The following MAGI1 variants were observed in gnomAD, a reference collection of about 807,000 sequenced individuals.
The protein encoded by MAGI1 is membrane-associated guanylate kinase, WW and PDZ domain-containing protein 1.
A neutral mutation model predicts 139.9 loss-of-function variants in MAGI1; 58 were observed. That is an observed-to-expected ratio of 0.41 (90% CI 0.34 to 0.52). The LOEUF is 0.52. Ranked by LOEUF, MAGI1 falls within the 20% of genes least tolerant of loss-of-function variation. MAGI1 has a pLI of 0.12. For synonymous variants in MAGI1, 812 were observed against 737.9 expected (o/e 1.10, Z -1.63); for missense variants, 1,874 against 1,901.6 (o/e 0.99, Z 0.27).
chr3:65,730,309 C>T (rs2034057454), intron 1 of MAGI1, among the ~76,000 whole-genome samples: 2 of 152,160 alleles, frequency 1.3e-5, no homozygotes, highest in Admixed American at 1.3e-4. Context: ...AAAAAAATGG[C>T]TTCCACCATT....
Position 65,364,833 on chromosome 3 carries a change from G to C in MAGI1, c.3290+20C>G, listed in dbSNP as rs1279223501. 1.2e-6 allele frequency: 2 copies of C among 1,613,432 alleles called. No individual in the cohort carries two copies. The highest frequency in any genetic ancestry group is 1.3e-5 in the African/African-American group (1 of 74,902). On this transcript the variant is annotated intron_variant, in intron 19 of 22. Coordinates refer to ENST00000402939, the MANE Select transcript of MAGI1 (RefSeq NM_001033057.2). Reference sequence around the variant, plus strand: ...AGTTACTTTTTTCCCCTTTAACAAAGGAAACCAGTCATGTCTGACCTTGTC... The same window carrying C: ...AGTTACTTTTTTCCCCTTTAACAAACGAAACCAGTCATGTCTGACCTTGTC...
At position 65,448,006 on chromosome 3, in the gene MAGI1, G is replaced by C. The variant is rs751860992; in HGVS notation, c.1078+16C>G. ...ATGCACGTGTCATGCAGCAGCAGCAGGCAGGGAGGGTTTACCTAGTTCACT... is the reference window on the plus strand; with the variant it reads ...ATGCACGTGTCATGCAGCAGCAGCACGCAGGGAGGGTTTACCTAGTTCACT... On this transcript the variant is annotated intron_variant, in intron 7 of 22. Transcript: ENST00000402939. 4.3e-6 allele frequency: 7 copies of C among 1,613,944 alleles called. No individual in the cohort carries two copies. The South Asian group carries it at 7.7e-5, about 18-fold the overall frequency.
chr3:65,992,782 T>C (rs2066248094), intron 1 of MAGI1, among the ~76,000 whole-genome samples: 1 of 152,152 alleles, frequency 6.6e-6, no homozygotes, highest in South Asian at 2.1e-4. Flanking sequence ...TTATCAGAAA[T>C]TCCTTTCTCT....
At chr3:65,685,310 T>G (rs1033324197) in intron 1 of MAGI1, among the ~76,000 whole-genome samples, 2 of 148,462 alleles carry the variant, frequency 1.3e-5, no homozygotes, top group Non-Finnish European at 2.9e-5. Context: ...ATTTCTTCAT[T>G]TAAAAAAAAA....
At chr3:65,393,766 C>T (rs1307125728) in intron 13 of MAGI1, among the ~76,000 whole-genome samples, 1 of 152,122 alleles carries the variant, frequency 6.6e-6, no homozygotes, top group Non-Finnish European at 1.5e-5. Context: ...CTGGTCTCAT[C>T]GTGTTGAAAT....
chr3:65,808,976 G>A (rs1463631546), intron 1 of MAGI1, among the ~76,000 whole-genome samples: 1 of 152,142 alleles, frequency 6.6e-6, no homozygotes, highest in Non-Finnish European at 1.5e-5. Context: ...TTTACGCTGG[G>A]AAAATGAGAG....
At chr3:65,900,002 C>A (rs1009883642) in intron 1 of MAGI1, among the ~76,000 whole-genome samples, 31 of 152,146 alleles carry the variant, frequency 2.0e-4, no homozygotes, top group African/African-American at 6.7e-4. Context: ...CACTTACATA[C>A]TTAGATCAAA....
chr3:66,020,900 C>T (rs540242852), intron 1 of MAGI1, among the ~76,000 whole-genome samples: 2 of 152,196 alleles, frequency 1.3e-5, no homozygotes, highest in East Asian at 1.9e-4. Context: ...GGACAATGAG[C>T]GCACTACCAT....
chr3:65,530,133 T>C (rs1006533060), intron 2 of MAGI1, among the ~76,000 whole-genome samples: 2 of 152,172 alleles, frequency 1.3e-5, no homozygotes, highest in African/African-American at 2.4e-5. Flanking sequence ...AGCAAGCACC[T>C]GTAGCAAGAT....
At position 65,810,163 on chromosome 3, in the gene MAGI1, G is replaced by C. The variant is rs1018689567; in HGVS notation, c.314-188075C>G. Among the ~76,000 whole-genome samples the C allele has an allele frequency of 3.9e-5, 6 of 152,186 alleles. No individual in the cohort carries two copies. In the South Asian group the frequency reaches 1.2e-3, roughly 32 times the overall value. On this transcript the variant is annotated intron_variant, in intron 1 of 22. Transcript: ENST00000402939. The stretch of plus-strand genomic sequence containing the variant: ...CTTTACCTATAATTTCACATATTAG[G>C]TAAAGCCATTTTAACTCAAAGAAAT...
intron 1 of MAGI1, among the ~76,000 whole-genome samples, chr3:65,894,264 T>C (rs1318174858): frequency 6.6e-6 from 1 of 152,204 alleles, no homozygotes; most frequent in East Asian, 1.9e-4. Flanking sequence ...AGAAAGGCTA[T>C]GTGATTGCCC....
intron 1 of MAGI1, among the ~76,000 whole-genome samples, chr3:65,686,285 GTGTT>G (rs1215991078): frequency 6.6e-6 from 1 of 151,912 alleles, no homozygotes; most frequent in African/African-American, 2.4e-5. Flanking sequence ...ATCTGTAGGG[GTGTT>G]TTTTTGTTTG....
rs533920570 is a variant in MAGI1, at chr3:65,913,203, G to A, written c.313+124793C>T. On this transcript the variant is annotated intron_variant, in intron 1 of 22. Coordinates refer to ENST00000402939, the MANE Select transcript of MAGI1 (RefSeq NM_001033057.2). ...AGGTTGAACCCAGGAGGCAGAGGTT[G>A]CAGTGGGCAGAGATTGTGCCATTGA... is the stretch of plus-strand genomic sequence containing the variant. 9.1e-4 allele frequency among the ~76,000 whole-genome samples: 139 copies of A among 152,274 alleles called. 4 individuals are homozygous for A. Among genetic ancestry groups the A allele is most frequent in the Admixed American group, 8.8e-3 (134 of 15,300 alleles).
At chr3:65,975,092 T>TC (rs2065200288) in intron 1 of MAGI1, among the ~76,000 whole-genome samples, 1 of 147,232 alleles carries the variant, frequency 6.8e-6, no homozygotes, top group African/African-American at 2.5e-5. Flanking sequence ...AATAGCTATT[T>TC]AAAAAAAAAA....
At chr3:65,738,874 G>T (rs879726849) in intron 1 of MAGI1, among the ~76,000 whole-genome samples, 5 of 152,162 alleles carry the variant, frequency 3.3e-5, no homozygotes, top group Non-Finnish European at 7.3e-5. Context: ...TCCATATATA[G>T]AGCACAGGCA....
rs544368427 is a variant in MAGI1, at chr3:65,580,974, G to A, written c.430+40998C>T. ...GCAAGCCTGTCCCATCTCAGTAACG[G>A]ATGACTCCAGCCCTTCTCTGAGCTT... is the stretch of plus-strand genomic sequence containing the variant. On this transcript the variant is annotated intron_variant, in intron 2 of 22. Coordinates refer to ENST00000402939, the MANE Select transcript of MAGI1 (RefSeq NM_001033057.2). Among the ~76,000 whole-genome samples the A allele has an allele frequency of 8.5e-5, 13 of 152,122 alleles. No homozygotes were observed. In the East Asian group the frequency reaches 1.9e-3, roughly 23 times the overall value.
intron 1 of MAGI1, among the ~76,000 whole-genome samples, chr3:65,983,048 C>G (rs1332455466): frequency 6.6e-6 from 1 of 152,134 alleles, no homozygotes; most frequent in East Asian, 1.9e-4. Context: ...GCCTTTTGAA[C>G]AGCTGGGACC....
chr3:65,523,391 G>T (rs2107808687), intron 2 of MAGI1, among the ~76,000 whole-genome samples: 1 of 151,482 alleles, frequency 6.6e-6, no homozygotes, highest in Admixed American at 6.6e-5. Flanking sequence ...ATATAAGCAA[G>T]GTCAGAAATT....
chr3:65,363,169 A>G (rs1335904332), intron 21 of MAGI1, among the ~76,000 whole-genome samples: 1 of 152,212 alleles, frequency 6.6e-6, no homozygotes, highest in Non-Finnish European at 1.5e-5. Flanking sequence ...ATTAAGCACA[A>G]AAACTATAGA....
Sources: allele counts gnomAD v4.1 joint callset (sites outside exome capture counted in the v4.1 genomes callset), GRCh38; gene constraint gnomAD v4.1.1; transcripts MANE v1.5; gene names NCBI Gene and HGNC (gene_info 2026-07-23, HGNC 2026-07-21).